KCNQ1: variants seen among roughly 807,000 people sequenced by gnomAD.
KCNQ1 encodes the protein potassium voltage-gated channel subfamily Q member 1.
Under a neutral mutation model 72.4 loss-of-function variants are expected in KCNQ1, and 49 were observed. The observed-to-expected ratio is 0.68, with a 90% confidence interval of 0.54 to 0.86. KCNQ1 has a LOEUF of 0.86. KCNQ1 is among the 40% of genes least tolerant of loss of function. The pLI is 0.00. For synonymous variants in KCNQ1, 450 were observed against 412.6 expected, an observed-to-expected ratio of 1.09 and a Z score of -1.10; for missense variants, 790 against 945.1, an observed-to-expected ratio of 0.84 and a Z score of 2.15.
chr11:2,669,346 A>G lies in KCNQ1; in HGVS notation c.1514+7265A>G. 1 of 398,604 alleles carries G rather than the reference A, an allele frequency of 2.5e-6. No individual in the cohort carries two copies. Among genetic ancestry groups the G allele is most frequent in the African/African-American group, 2.1e-5 (1 of 48,728 alleles). 24.7% of individuals were successfully genotyped at this position (398,604 alleles called of 1,614,324 possible). A position where few individuals can be genotyped will look rare whatever the true frequency, so the allele number is the denominator to read the frequency against. ...CTCCTCTAGGCGCAGCAGCCTCTAG[A>G]TGGGCATGGGAGAATGGGTATCCTT... On this transcript the variant is annotated intron_variant, in intron 11 of 15. Coordinates refer to ENST00000155840, the MANE Select transcript of KCNQ1 (RefSeq NM_000218.3). This position sits in a 1 kb window ranked among gnomAD's most constrained non-coding sequence, Gnocchi z 5.6.
rs183146623 is a variant in KCNQ1, at chr11:2,642,149, A to G, written c.1394-19812A>G. 7.0e-4 allele frequency: 277 copies of G among 398,316 alleles called. 2 individuals are homozygous for G. Among genetic ancestry groups the G allele is most frequent in the African/African-American group, 5.2e-3 (251 of 48,718 alleles). 24.7% of individuals were successfully genotyped at this position (398,316 alleles called of 1,614,324 possible). A position where few individuals can be genotyped will look rare whatever the true frequency, so the allele number is the denominator to read the frequency against. The stretch of plus-strand genomic sequence containing the variant: ...GAATTTTAGGATTTTTTCTATTTCC[A>G]TGAAAAATGGCATTGGTATTTTGAG... On this transcript the variant is annotated intron_variant, in intron 10 of 15. Coordinates refer to ENST00000155840, the MANE Select transcript of KCNQ1 (RefSeq NM_000218.3). The surrounding 1 kb of genome is among the most constrained non-coding windows in gnomAD (Gnocchi z 4.3).
At chr11:2,749,807 C>A (rs1276884614) in intron 11 of KCNQ1, among the ~76,000 whole-genome samples, 1 of 149,408 alleles carries the variant, frequency 6.7e-6, no homozygotes, top group African/African-American at 2.5e-5. Context: ...AGCGAGACTC[C>A]ATCTCAAAAA....
rs908181421 is a variant in KCNQ1, at chr11:2,457,815, A to G, written c.386+12331A>G. Among the ~76,000 whole-genome samples, 2 of 135,722 alleles carry G rather than the reference A, an allele frequency of 1.5e-5. No homozygotes were observed. Among genetic ancestry groups the G allele is most frequent in the African/African-American group, 2.8e-5 (1 of 35,578 alleles). 89.0% of individuals were successfully genotyped at this position (135,722 alleles called of 152,430 possible). ...AAAATGGAAACTTTTGGCATGGGAG[A>G]AAAAAAAAAAAAACAGATGTAAGTT... is the stretch of plus-strand genomic sequence containing the variant. On this transcript the variant is annotated intron_variant, in intron 1 of 15. Coordinates refer to ENST00000155840, the MANE Select transcript of KCNQ1 (RefSeq NM_000218.3). This position sits in a 1 kb window ranked among gnomAD's most constrained non-coding sequence, Gnocchi z 5.0.
chr11:2,718,274 C>T (rs1184262405), intron 11 of KCNQ1, among the ~76,000 whole-genome samples: 3 of 152,196 alleles, frequency 2.0e-5, no homozygotes, highest in African/African-American at 7.2e-5. Context: ...GCCTGAGCCC[C>T]AGGTAGACCC....
intron 15 of KCNQ1, among the ~76,000 whole-genome samples, chr11:2,807,238 C>G (rs1265414971): frequency 1.3e-5 from 2 of 152,238 alleles, no homozygotes; most frequent in African/African-American, 4.8e-5. Flanking sequence ...GCCGCAGCGA[C>G]GCCTCGAACG....
chr11:2,631,040 C>G, intron 10 of KCNQ1: 1 of 398,458 alleles, frequency 2.5e-6, no homozygotes, highest in Non-Finnish European at 4.4e-6. Context: ...ATTTTGATGG[C>G]AATATATCTA....
At chr11:2,700,695 C>T (rs1376156874) in intron 11 of KCNQ1, among the ~76,000 whole-genome samples, 3 of 152,058 alleles carry the variant, frequency 2.0e-5, no homozygotes, top group African/African-American at 7.2e-5. Context: ...CCGGGACATG[C>T]CAGGCCACCC....
intron 11 of KCNQ1, among the ~76,000 whole-genome samples, chr11:2,732,266 C>T (rs1440007642): frequency 1.3e-5 from 2 of 152,182 alleles, no homozygotes; most frequent in Middle Eastern, 3.2e-3. Flanking sequence ...CTCTCCCCAA[C>T]CCTCACCTTG....
At chr11:2,622,398 T>C (rs73415376) in intron 10 of KCNQ1, 5,633 of 398,360 alleles carry the variant, frequency 0.014, 225 homozygotes, top group African/African-American at 0.096. Flanking sequence ...TTGTATGAAA[T>C]ATCATTTTTC....
intron 11 of KCNQ1, among the ~76,000 whole-genome samples, chr11:2,744,152 A>C (rs1363100455): frequency 6.6e-6 from 1 of 152,234 alleles, no homozygotes; most frequent in African/African-American, 2.4e-5. Flanking sequence ...TTAAAAAGTC[A>C]AACTTAAAAA....
At position 2,657,881 on chromosome 11, in the gene KCNQ1, G is replaced by A; in HGVS notation, c.1394-4080G>A. The A allele has an allele frequency of 2.5e-6, 1 of 398,628 alleles. No homozygotes were observed. Among genetic ancestry groups the A allele is most frequent in the Non-Finnish European group, 4.4e-6 (1 of 226,064 alleles). The allele number at this position is 398,628 out of a possible 1,614,324, so 24.7% of individuals were successfully genotyped here. Reference sequence around the variant, plus strand: ...ATAGGTTTAGGGGAAGGAGGCCAGTGAGGTGAGATGCTTTCCTCATTGTGG... The same window carrying A: ...ATAGGTTTAGGGGAAGGAGGCCAGTAAGGTGAGATGCTTTCCTCATTGTGG... On this transcript the variant is annotated intron_variant, in intron 10 of 15. Transcript: ENST00000155840. This position sits in a 1 kb window ranked among gnomAD's most constrained non-coding sequence, Gnocchi z 4.8.
Position 2,564,749 on chromosome 11 carries a change from C to G in KCNQ1, c.478-5879C>G, listed in dbSNP as rs7942492. Among the ~76,000 whole-genome samples the G allele has an allele frequency of 0.11, 16,742 of 152,262 alleles. 2,553 individuals are homozygous for G. Among genetic ancestry groups the G allele is most frequent in the African/African-American group, 0.35 (14,375 of 41,514 alleles). On this transcript the variant is annotated intron_variant, in intron 2 of 15. Coordinates refer to ENST00000155840, the MANE Select transcript of KCNQ1 (RefSeq NM_000218.3). This position sits in a 1 kb window ranked among gnomAD's most constrained non-coding sequence, Gnocchi z 4.5. ...ATTAAACACTCACTCCCTACTCCCC[C>G]TTCCCCAGCCCCTGGCGCCCATCAT...
In KCNQ1 at chr11:2,711,866, C is replaced by T. The variant is rs1308827494; in HGVS notation, c.1514+49785C>T. 2.0e-5 allele frequency among the ~76,000 whole-genome samples: 3 copies of T among 152,104 alleles called. No homozygotes were observed. The highest frequency in any genetic ancestry group is 6.5e-5 in the Admixed American group (1 of 15,280). ...TGAGGAGGGTGCCTTTGAGGGGAGG[C>T]AGAGTTGGCTCACGGGAAAGGCTGG... On this transcript the variant is annotated intron_variant, in intron 11 of 15. Coordinates refer to ENST00000155840, the MANE Select transcript of KCNQ1 (RefSeq NM_000218.3). The surrounding 1 kb of genome is among the most constrained non-coding windows in gnomAD (Gnocchi z 5.4).
rs962406877 is a variant in KCNQ1, at chr11:2,494,381, A to G, written c.387-33547A>G. On this transcript the variant is annotated intron_variant, in intron 1 of 15. Coordinates refer to ENST00000155840, the MANE Select transcript of KCNQ1 (RefSeq NM_000218.3). The surrounding 1 kb of genome is among the most constrained non-coding windows in gnomAD (Gnocchi z 4.6). Reference sequence around the variant, plus strand: ...TGTCCTGGCCAGAACTTCCAATACTATGTTGAATGGGAGTGGTGAGAGAGG... The same window carrying G: ...TGTCCTGGCCAGAACTTCCAATACTGTGTTGAATGGGAGTGGTGAGAGAGG... Among the ~76,000 whole-genome samples, 6 of 152,002 alleles carry G rather than the reference A, an allele frequency of 3.9e-5. No homozygotes were observed. The highest frequency in any genetic ancestry group is 7.4e-5 in the Non-Finnish European group (5 of 68,014).
intron 10 of KCNQ1, chr11:2,635,711 T>A (rs1849453668): frequency 6.6e-6 from 1 of 152,342 alleles, no homozygotes; most frequent in East Asian, 1.9e-4. Flanking sequence ...TTTTTCCAAT[T>A]CTGTGAAGAA....
In KCNQ1 at chr11:2,562,490, A is replaced by G. The variant is rs1589952331; in HGVS notation, c.478-8138A>G. Among the ~76,000 whole-genome samples the G allele has an allele frequency of 6.6e-6, 1 of 152,250 alleles. No individual in the cohort carries two copies. The highest frequency in any genetic ancestry group is 2.1e-4 in the South Asian group (1 of 4,826). On this transcript the variant is annotated intron_variant, in intron 2 of 15. Coordinates refer to ENST00000155840, the MANE Select transcript of KCNQ1 (RefSeq NM_000218.3). The surrounding 1 kb of genome is among the most constrained non-coding windows in gnomAD (Gnocchi z 7.5). ...CCCCAAAGCCCGCCAGCCGGGCTCT[A>G]TGCTGTGGGGACCACTGCCCCCACA...
At position 2,674,604 on chromosome 11, in the gene KCNQ1, T is replaced by C; in HGVS notation, c.1514+12523T>C. ...GTTGTGTTGCCTTTTAAATAGGCTCTGGCTTAAAACAGTCACAGCGAAACA... is the reference window on the plus strand; with the variant it reads ...GTTGTGTTGCCTTTTAAATAGGCTCCGGCTTAAAACAGTCACAGCGAAACA... On this transcript the variant is annotated intron_variant, in intron 11 of 15. Transcript: ENST00000155840. This position sits in a 1 kb window ranked among gnomAD's most constrained non-coding sequence, Gnocchi z 5.9. The C allele has an allele frequency of 2.5e-6, 1 of 398,652 alleles. No individual in the cohort carries two copies. Among genetic ancestry groups the C allele is most frequent in the Non-Finnish European group, 4.4e-6 (1 of 226,066 alleles). 24.7% of individuals were successfully genotyped at this position (398,652 alleles called of 1,614,324 possible).
chr11:2,449,855 G>C (rs1208466167), intron 1 of KCNQ1, among the ~76,000 whole-genome samples: 2 of 152,212 alleles, frequency 1.3e-5, no homozygotes, highest in Non-Finnish European at 2.9e-5. Context: ...GTGTGATCCA[G>C]AGCTGCTCAC....
intron 10 of KCNQ1, chr11:2,649,242 C>T (rs1157959194): frequency 7.5e-6 from 3 of 398,104 alleles, no homozygotes; most frequent in Admixed American, 8.8e-5. Context: ...AGGACTTACT[C>T]CTGTCATTTT....
Sources: allele counts gnomAD v4.1 joint callset (sites outside exome capture counted in the v4.1 genomes callset), GRCh38; gene constraint gnomAD v4.1.1; non-coding constraint Gnocchi (gnomAD v3.1); transcripts MANE v1.5; gene names NCBI Gene and HGNC (gene_info 2026-07-23, HGNC 2026-07-21).